Variants in ZNF732 observed in about 807,000 individuals in gnomAD.
The protein encoded by ZNF732 is zinc finger protein 732.
ZNF732 carries 12 observed loss-of-function variants against 11.5 expected under a neutral mutation model. The observed-to-expected ratio is 1.05, with a 90% CI of 0.67 to 1.70. The LOEUF (loss-of-function observed/expected upper bound fraction) is 1.70. Ranked by LOEUF, ZNF732 falls within the 40% of genes most tolerant of loss-of-function variation. The pLI is 0.00. For missense variants in ZNF732, 702 were observed against 676.9 expected (o/e 1.04, Z -0.41); for synonymous variants, 231 against 236.5 (o/e 0.98, Z 0.21).
chr4:284,666 A>AG (rs1719690151), intron 3 of ZNF732, among the ~76,000 whole-genome samples: 2 of 151,970 alleles, frequency 1.3e-5, no homozygotes, highest in Admixed American at 6.6e-5. Flanking sequence ...AGATCAGGCA[A>AG]TCAAGACCAG....
At chr4:278,422 A>G (rs1248032492) in intron 3 of ZNF732, among the ~76,000 whole-genome samples, 1 of 152,224 alleles carries the variant, frequency 6.6e-6, no homozygotes, top group Non-Finnish European at 1.5e-5. Flanking sequence ...TGTGACATAC[A>G]TACAATATTT....
At chr4:288,279 T>C (rs183949404) in intron 3 of ZNF732, among the ~76,000 whole-genome samples, 6 of 152,360 alleles carry the variant, frequency 3.9e-5, no homozygotes, top group Admixed American at 3.9e-4. Context: ...TTTAAGTTTG[T>C]TGCTCATGTG....
chr4:295,985 TCC>T (rs781927183), intron 2 of ZNF732, 42 bp downstream of exon 2: 2 of 1,580,852 alleles, frequency 1.3e-6, no homozygotes, highest in East Asian at 2.3e-5. Context: ...AAAATAAAAC[TCC>T]CTGAGGGAGT....
intron 3 of ZNF732, among the ~76,000 whole-genome samples, chr4:294,035 C>A (rs1475812057): frequency 6.6e-6 from 1 of 152,138 alleles, no homozygotes; most frequent in Non-Finnish European, 1.5e-5. Flanking sequence ...GAGTTTTGCT[C>A]ATGTCGTCTA....
intron 1 of ZNF732, 87 bp downstream of exon 1, chr4:305,221 G>A: frequency 6.6e-7 from 1 of 1,512,652 alleles, no homozygotes. Flanking sequence ...CGGAGACTCC[G>A]TTCGCAGACT....
At chr4:293,563 C>T (rs1553841724) in intron 3 of ZNF732, among the ~76,000 whole-genome samples, 1 of 151,894 alleles carries the variant, frequency 6.6e-6, no homozygotes, top group Non-Finnish European at 1.5e-5. Context: ...TCAAAGAGTA[C>T]AAATTTTTAG....
intron 1 of ZNF732, among the ~76,000 whole-genome samples, chr4:301,973 G>T (rs1720127066): frequency 6.6e-6 from 1 of 152,210 alleles, no homozygotes; most frequent in African/African-American, 2.4e-5. Context: ...CGGAATCAGT[G>T]TCAGATTTGA....
intron 3 of ZNF732, among the ~76,000 whole-genome samples, chr4:281,014 G>C (rs1249433914): frequency 6.6e-6 from 1 of 152,114 alleles, no homozygotes; most frequent in African/African-American, 2.4e-5. Context: ...ATAATTATTT[G>C]ACAGTGGATC....
At position 271,897 on chromosome 4, in the gene ZNF732, G is replaced by A. The variant is rs782553725; in HGVS notation, c.960C>T (p.Thr320=). The change falls in exon 4 of 4, where the codon ACC becomes ACT. Residue 320 remains threonine (T), a synonymous_variant. Coordinates refer to ENST00000419098, the MANE Select transcript of ZNF732 (RefSeq NM_001137608.3). The part of the protein sequence containing the change: ...ECGKVFNRST[T]LTKHNRIHTG... ...TATGAATTCTGTTATGTTTAGTAAG[G>A]GTTGTGGACCTATTAAAGACTTTGC... 3.7e-5 allele frequency: 59 copies of A among 1,612,738 alleles called. No homozygotes were observed. In the African/African-American group the frequency reaches 7.2e-4, roughly 20 times the overall value.
At chr4:286,166 T>G (rs1553840582) in intron 3 of ZNF732, among the ~76,000 whole-genome samples, 1 of 152,196 alleles carries the variant, frequency 6.6e-6, no homozygotes, top group Non-Finnish European at 1.5e-5. Context: ...TCCTGAAATT[T>G]TATCAGAATT....
chr4:294,383 A>G (rs1719903621), intron 3 of ZNF732, among the ~76,000 whole-genome samples: 1 of 152,218 alleles, frequency 6.6e-6, no homozygotes, highest in Admixed American at 6.5e-5. Flanking sequence ...TTATACACAT[A>G]TATAACTTAT....
chr4:304,954 C>G (rs1469871380), intron 1 of ZNF732, among the ~76,000 whole-genome samples: 3 of 152,210 alleles, frequency 2.0e-5, no homozygotes, highest in East Asian at 3.9e-4. Context: ...GATAGGGCCT[C>G]GATCTTATTC....
At chr4:284,945 G>C (rs2108655833) in intron 3 of ZNF732, among the ~76,000 whole-genome samples, 1 of 147,868 alleles carries the variant, frequency 6.8e-6, no homozygotes, top group East Asian at 2.0e-4. Flanking sequence ...GGCAGAGAAA[G>C]AATTTACATA....
At chr4:277,588 T>C (rs1719523806) in intron 3 of ZNF732, among the ~76,000 whole-genome samples, 2 of 150,718 alleles carry the variant, frequency 1.3e-5, no homozygotes, top group Non-Finnish European at 2.9e-5. Flanking sequence ...TTAGAATGAC[T>C]GTAATTAGAA....
intron 3 of ZNF732, among the ~76,000 whole-genome samples, chr4:289,394 C>G (rs1422488159): frequency 2.0e-5 from 3 of 152,218 alleles, no homozygotes; most frequent in African/African-American, 7.2e-5. Context: ...GCAATGATAG[C>G]TTTTTGGAAA....
chr4:282,968 T>C (rs1217325912), intron 3 of ZNF732, among the ~76,000 whole-genome samples: 1 of 152,034 alleles, frequency 6.6e-6, no homozygotes, highest in Non-Finnish European at 1.5e-5. Flanking sequence ...CCTTTAAATA[T>C]AAAAAAAATT....
chr4:293,435 G>C (rs1160607468), intron 3 of ZNF732, among the ~76,000 whole-genome samples: 2 of 151,756 alleles, frequency 1.3e-5, no homozygotes, highest in Non-Finnish European at 2.9e-5. Context: ...CAAACACAGA[G>C]AGACAAAGAA....
At chr4:282,507 G>A (rs1219156770) in intron 3 of ZNF732, among the ~76,000 whole-genome samples, 2 of 152,256 alleles carry the variant, frequency 1.3e-5, no homozygotes, top group African/African-American at 2.4e-5. Context: ...TGACCAGCCT[G>A]AGCAACATGG....
intron 3 of ZNF732, among the ~76,000 whole-genome samples, chr4:290,074 T>A (rs1719811951): frequency 6.6e-6 from 1 of 152,240 alleles, no homozygotes; most frequent in South Asian, 2.1e-4. Flanking sequence ...GCCATTATTT[T>A]AAGTGAAATA....
Sources: allele counts gnomAD v4.1 joint callset (sites outside exome capture counted in the v4.1 genomes callset), GRCh38; gene constraint gnomAD v4.1.1; transcripts MANE v1.5; gene names NCBI Gene and HGNC (gene_info 2026-07-23, HGNC 2026-07-21).